The following SGMS1 variants were observed in gnomAD, a reference collection of about 807,000 sequenced individuals.
SGMS1 encodes sphingomyelin synthase 1.
SGMS1 carries 13 observed loss-of-function variants against 46.2 expected under a neutral mutation model. The observed-to-expected ratio is 0.28, with a 90% confidence interval of 0.18 to 0.45. The LOEUF is 0.45. SGMS1 is among the 20% of genes least tolerant of loss of function. The pLI is 1.00. For missense variants in SGMS1, 324 were observed against 519.9 expected (o/e 0.62, Z 3.66); for synonymous variants, 203 against 187.8 (o/e 1.08, Z -0.66).
intron 3 of SGMS1, among the ~76,000 whole-genome samples, chr10:50,481,794 G>A (rs1467355914): frequency 6.6e-6 from 1 of 152,154 alleles, no homozygotes; most frequent in Non-Finnish European, 1.5e-5. Context: ...CATTACAGGA[G>A]CTGTTAACCA....
At chr10:50,387,571 G>A (rs1397840268) in intron 6 of SGMS1, among the ~76,000 whole-genome samples, 1 of 152,138 alleles carries the variant, frequency 6.6e-6, no homozygotes, top group African/African-American at 2.4e-5. Context: ...CGCAAGCCAA[G>A]CCTCCTCCAT....
At chr10:50,623,637 C>T in intron 1 of SGMS1, 70 bp downstream of exon 1, 1 of 985,418 alleles carries the variant, frequency 1.0e-6, no homozygotes, top group Non-Finnish European at 1.2e-6. Flanking sequence ...AAGGCCGGGC[C>T]CGCGAGACAG....
chr10:50,499,138 G>C (rs1837640358), intron 3 of SGMS1, among the ~76,000 whole-genome samples: 1 of 152,146 alleles, frequency 6.6e-6, no homozygotes, highest in African/African-American at 2.4e-5. Context: ...CACTTTCTGA[G>C]AGGTAATTTT....
chr10:50,410,834 A>G (rs1849086253), intron 6 of SGMS1, among the ~76,000 whole-genome samples: 2 of 152,240 alleles, frequency 1.3e-5, no homozygotes, highest in African/African-American at 4.8e-5. Flanking sequence ...TCTCAAATTC[A>G]GTCTCCCATC....
chr10:50,343,372 GA>G (rs201980693), intron 7 of SGMS1, 119 bp downstream of exon 7: 105 of 1,151,804 alleles, frequency 9.1e-5, no homozygotes, highest in Non-Finnish European at 1.1e-4. Flanking sequence ...GTTTAAAAAA[GA>G]AAAAAAAATA....
At position 50,556,013 on chromosome 10, in the gene SGMS1, C is replaced by T. The variant is rs902507522; in HGVS notation, c.-589+34140G>A. On this transcript the variant is annotated intron_variant, in intron 2 of 10. Transcript: ENST00000361781. ...TTCCAGAATGCTCTCATTTTCCCCT[C>T]TCCTCCATTCCCAAAGGAGATGCAT... is the stretch of plus-strand genomic sequence containing the variant. Among the ~76,000 whole-genome samples, 6 of 152,302 alleles carry T rather than the reference C, an allele frequency of 3.9e-5. No individual in the cohort carries two copies. In the East Asian group the frequency reaches 1.2e-3, roughly 29 times the overall value.
At chr10:50,359,668 ATCAT>A (rs1848215369) in intron 6 of SGMS1, among the ~76,000 whole-genome samples, 1 of 143,634 alleles carries the variant, frequency 7.0e-6, no homozygotes. Context: ...AATCTAAACA[ATCAT>A]TCATTATGGC....
intron 6 of SGMS1, among the ~76,000 whole-genome samples, chr10:50,360,913 G>C (rs998422827): frequency 1.3e-5 from 2 of 152,164 alleles, no homozygotes; most frequent in Non-Finnish European, 2.9e-5. Context: ...ACTGTAAAAA[G>C]CCAGATGGCT....
chr10:50,589,468 TG>T (rs1838518931), intron 2 of SGMS1, among the ~76,000 whole-genome samples: 1 of 151,954 alleles, frequency 6.6e-6, no homozygotes, highest in African/African-American at 2.4e-5. Flanking sequence ...CTATTAAAAA[TG>T]GTTTTGGGTT....
intron 1 of SGMS1, among the ~76,000 whole-genome samples, chr10:50,592,060 G>A (rs1359274119): frequency 6.6e-6 from 1 of 152,182 alleles, no homozygotes; most frequent in Non-Finnish European, 1.5e-5. Flanking sequence ...TCACCTGAGG[G>A]CTGCAACACC....
intron 6 of SGMS1, among the ~76,000 whole-genome samples, chr10:50,401,127 A>G (rs1446361604): frequency 6.6e-6 from 1 of 152,218 alleles, no homozygotes; most frequent in Non-Finnish European, 1.5e-5. Context: ...GGGAAAAATC[A>G]TTAATTGTCA....
intron 6 of SGMS1, among the ~76,000 whole-genome samples, chr10:50,392,324 T>C (rs571772785): frequency 6.6e-6 from 1 of 152,326 alleles, no homozygotes; most frequent in East Asian, 1.9e-4. Context: ...AGAATCTAGC[T>C]ATATCCATTT....
At chr10:50,432,989 TA>T (rs1452977551) in intron 6 of SGMS1, among the ~76,000 whole-genome samples, 2 of 152,154 alleles carry the variant, frequency 1.3e-5, no homozygotes, top group Non-Finnish European at 2.9e-5. Flanking sequence ...CTGATGTACA[TA>T]AAAGTAGCAT....
intron 2 of SGMS1, among the ~76,000 whole-genome samples, chr10:50,563,742 C>CAAAAAAAA (rs60882939): frequency 1.5e-5 from 1 of 65,754 alleles, no homozygotes; most frequent in Non-Finnish European, 2.7e-5. Context: ...GACTCCGTCT[C>CAAAAAAAA]AAAAAAAAAA....
rs578085216 is a variant in SGMS1, at chr10:50,427,377, T to C, written c.-232+6099A>G. Among the ~76,000 whole-genome samples the C allele has an allele frequency of 1.5e-4, 23 of 152,294 alleles. No individual in the cohort carries two copies. The South Asian group carries it at 2.1e-3, about 14-fold the overall frequency. The stretch of plus-strand genomic sequence containing the variant: ...TGGCGCCACAGCACTCCAGCCTGTG[T>C]AACAGAGCGAGACTCCGTCACAACA... On this transcript the variant is annotated intron_variant, in intron 6 of 10. Transcript: ENST00000361781.
At chr10:50,431,026 C>T (rs1290291320) in intron 6 of SGMS1, among the ~76,000 whole-genome samples, 1 of 152,030 alleles carries the variant, frequency 6.6e-6, no homozygotes, top group Non-Finnish European at 1.5e-5. Context: ...GTTTGGAAAC[C>T]ACATAAGGCC....
At chr10:50,507,615 T>C (rs2133767347) in intron 3 of SGMS1, among the ~76,000 whole-genome samples, 1 of 152,354 alleles carries the variant, frequency 6.6e-6, no homozygotes, top group Non-Finnish European at 1.5e-5. Flanking sequence ...TTATGATCCC[T>C]GTGGCAAATC....
intron 6 of SGMS1, among the ~76,000 whole-genome samples, chr10:50,385,767 C>T (rs1848673881): frequency 1.3e-5 from 2 of 152,162 alleles, no homozygotes; most frequent in Admixed American, 1.3e-4. Flanking sequence ...GCATGTCTCT[C>T]TTGTTTCATT....
chr10:50,384,197 C>T (rs1173413256), intron 6 of SGMS1, among the ~76,000 whole-genome samples: 1 of 152,142 alleles, frequency 6.6e-6, no homozygotes, highest in East Asian at 1.9e-4. Flanking sequence ...ACACATGGGC[C>T]TTGGAATCTC....
Sources: allele counts gnomAD v4.1 joint callset (sites outside exome capture counted in the v4.1 genomes callset), GRCh38; gene constraint gnomAD v4.1.1; transcripts MANE v1.5; gene names NCBI Gene and HGNC (gene_info 2026-07-23, HGNC 2026-07-21).